Variants in ADAMTSL1 observed in about 807,000 individuals in gnomAD.
ADAMTSL1 encodes ADAMTS like 1.
A neutral mutation model predicts 201.8 loss-of-function variants in ADAMTSL1; 126 were observed. The observed-to-expected ratio is 0.62, with a 90% CI of 0.54 to 0.72. The LOEUF is 0.72. Ranked by LOEUF, ADAMTSL1 falls within the 30% of genes least tolerant of loss-of-function variation. The probability of loss-of-function intolerance (pLI) is 0.00; values close to 1 mark genes in which losing one functional copy is unlikely to be tolerated. For synonymous variants in ADAMTSL1, 1,121 were observed against 903.4 expected, an observed-to-expected ratio of 1.24 and a Z score of -4.32; for missense variants, 2,679 against 2,277.8, an observed-to-expected ratio of 1.18 and a Z score of -3.59.
intron 1 of ADAMTSL1, among the ~76,000 whole-genome samples, chr9:18,090,795 T>C (rs908851836): frequency 4.6e-5 from 7 of 152,186 alleles, no homozygotes; most frequent in Non-Finnish European, 1.0e-4. Flanking sequence ...GTCATTCCCA[T>C]TCCTGCTTGA....
In ADAMTSL1 at chr9:18,313,970, A is replaced by G. The variant is rs886212636; in HGVS notation, c.207+149989A>G. On this transcript the variant is annotated intron_variant, in intron 2 of 29. Transcript: ENST00000680146. Reference sequence around the variant, plus strand: ...ATATACAAAACATATAAGGAACTCAAACAACTTAGTAGCAAAACACCAAAT... The same window carrying G: ...ATATACAAAACATATAAGGAACTCAGACAACTTAGTAGCAAAACACCAAAT... 5.9e-5 allele frequency among the ~76,000 whole-genome samples: 9 copies of G among 152,306 alleles called. No individual in the cohort carries two copies. In the South Asian group the frequency reaches 8.3e-4, roughly 14 times the overall value.
chr9:18,074,511 C>CTTCTT (rs1554690845), intron 1 of ADAMTSL1, among the ~76,000 whole-genome samples: 9 of 93,582 alleles, frequency 9.6e-5, no homozygotes, highest in South Asian at 3.5e-4. Flanking sequence ...CTTTTCTTTT[C>CTTCTT]TTCTTTTCTT....
chr9:18,620,026 T>A (rs1434233690), intron 4 of ADAMTSL1, among the ~76,000 whole-genome samples: 1 of 150,876 alleles, frequency 6.6e-6, no homozygotes, highest in Admixed American at 6.6e-5. Context: ...TTTTTTTTTT[T>A]TTTTTTTTTT....
At chr9:18,549,224 A>C (rs927675895) in intron 3 of ADAMTSL1, among the ~76,000 whole-genome samples, 9 of 149,880 alleles carry the variant, frequency 6.0e-5, no homozygotes, top group Non-Finnish European at 1.3e-4. Flanking sequence ...AGTAAAAGCT[A>C]CCAGAGAAAA....
intron 2 of ADAMTSL1, among the ~76,000 whole-genome samples, chr9:18,344,047 C>T (rs1259199193): frequency 6.6e-6 from 1 of 152,030 alleles, no homozygotes; most frequent in African/African-American, 2.4e-5. Context: ...ATTACTTCAT[C>T]TTTTTCAAAA....
At chr9:18,591,025 G>C (rs909744716) in intron 4 of ADAMTSL1, among the ~76,000 whole-genome samples, 9 of 152,124 alleles carry the variant, frequency 5.9e-5, no homozygotes, top group African/African-American at 2.2e-4. Context: ...GAAATATTCT[G>C]TAAATGTCTG....
At chr9:18,375,254 G>C (rs1181476589) in intron 2 of ADAMTSL1, among the ~76,000 whole-genome samples, 1 of 152,188 alleles carries the variant, frequency 6.6e-6, no homozygotes, top group East Asian at 1.9e-4. Flanking sequence ...TACATTAGAG[G>C]AAAGAGCCAG....
At chr9:18,597,795 C>T (rs1381170815) in intron 4 of ADAMTSL1, among the ~76,000 whole-genome samples, 1 of 152,004 alleles carries the variant, frequency 6.6e-6, no homozygotes, top group Non-Finnish European at 1.5e-5. Flanking sequence ...CATCAAGTAC[C>T]TTCCAGATTT....
At chr9:18,883,454 T>G (rs2131518844) in intron 23 of ADAMTSL1, among the ~76,000 whole-genome samples, 1 of 152,294 alleles carries the variant, frequency 6.6e-6, no homozygotes, top group South Asian at 2.1e-4. Context: ...TACATAAAAT[T>G]TACAATTTCA....
intron 2 of ADAMTSL1, among the ~76,000 whole-genome samples, chr9:18,333,845 G>A (rs985905286): frequency 1.3e-5 from 2 of 152,096 alleles, no homozygotes; most frequent in Non-Finnish European, 2.9e-5. Flanking sequence ...AATATGACAG[G>A]CAATATTCTT....
chr9:18,355,731 G>T (rs949640947), intron 2 of ADAMTSL1, among the ~76,000 whole-genome samples: 1 of 152,216 alleles, frequency 6.6e-6, no homozygotes, highest in African/African-American at 2.4e-5. Flanking sequence ...TGCTGGCCAG[G>T]CATGGTGGCT....
intron 2 of ADAMTSL1, among the ~76,000 whole-genome samples, chr9:18,451,959 G>C (rs1162648168): frequency 6.6e-6 from 1 of 152,160 alleles, no homozygotes; most frequent in Non-Finnish European, 1.5e-5. Flanking sequence ...TTCCCAGGCT[G>C]GTGTGCAATG....
intron 2 of ADAMTSL1, among the ~76,000 whole-genome samples, chr9:18,172,388 C>T (rs193048181): frequency 4.9e-4 from 74 of 152,134 alleles, no homozygotes; most frequent in African/African-American, 1.7e-3. Flanking sequence ...AGGTTCTCAG[C>T]CTTACTCATC....
chr9:18,702,600 T>G (rs958648542), intron 13 of ADAMTSL1, among the ~76,000 whole-genome samples: 2 of 152,200 alleles, frequency 1.3e-5, no homozygotes, highest in African/African-American at 2.4e-5. Context: ...GAAGCATTAA[T>G]CATTCATTTG....
intron 2 of ADAMTSL1, among the ~76,000 whole-genome samples, chr9:18,293,499 G>C (rs1833354731): frequency 6.6e-6 from 1 of 152,206 alleles, no homozygotes; most frequent in Non-Finnish European, 1.5e-5. Flanking sequence ...CCGTGGGCCT[G>C]CTGGTAGCAC....
At chr9:18,865,416 A>G (rs1827467971) in intron 23 of ADAMTSL1, among the ~76,000 whole-genome samples, 1 of 152,308 alleles carries the variant, frequency 6.6e-6, no homozygotes, top group South Asian at 2.1e-4. Context: ...TATATGTGCC[A>G]CATTTTCTTA....
chr9:18,413,743 A>G (rs1415622753), intron 2 of ADAMTSL1, among the ~76,000 whole-genome samples: 1 of 152,158 alleles, frequency 6.6e-6, no homozygotes, highest in African/African-American at 2.4e-5. Context: ...TTGTAGCTTC[A>G]AAGTCTTGGT....
intron 2 of ADAMTSL1, among the ~76,000 whole-genome samples, chr9:18,231,122 G>A (rs536898736): frequency 2.0e-5 from 3 of 152,054 alleles, no homozygotes; most frequent in South Asian, 2.1e-4. Flanking sequence ...TGCAACCCCC[G>A]GGCTTTTTAC....
chr9:17,934,739 G>A (rs1826933818), intron 1 of ADAMTSL1, among the ~76,000 whole-genome samples: 1 of 151,936 alleles, frequency 6.6e-6, no homozygotes, highest in African/African-American at 2.4e-5. Flanking sequence ...CTACCTGCAT[G>A]TAGTTCATGT....
Sources: allele counts gnomAD v4.1 joint callset (sites outside exome capture counted in the v4.1 genomes callset), GRCh38; gene constraint gnomAD v4.1.1; transcripts MANE v1.5; gene names NCBI Gene and HGNC (gene_info 2026-07-23, HGNC 2026-07-21).